Variants in RGS17 observed in about 807,000 individuals in gnomAD.
The protein encoded by RGS17 is regulator of G-protein signaling 17.
In RGS17, 12 loss-of-function variants were observed where a neutral mutation model predicts 25.5. The ratio of observed to expected loss-of-function variants is 0.47; its 90% CI spans 0.30 to 0.76. RGS17 has a LOEUF of 0.76. Ranked by LOEUF, RGS17 falls within the 30% of genes least tolerant of loss-of-function variation. RGS17 has a pLI of 0.07. For synonymous variants in RGS17, 71 were observed against 76.9 expected, an observed-to-expected ratio of 0.92 and a Z score of 0.40; for missense variants, 196 against 242.2, an observed-to-expected ratio of 0.81 and a Z score of 1.27.
intron 1 of RGS17, among the ~76,000 whole-genome samples, chr6:153,108,132 C>T (rs1424868758): frequency 6.6e-6 from 1 of 152,168 alleles, no homozygotes; most frequent in Non-Finnish European, 1.5e-5. Flanking sequence ...TTATTTGAGG[C>T]TGCTTCTGCT....
At chr6:153,014,789 C>T (rs892470248) in intron 4 of RGS17, among the ~76,000 whole-genome samples, 3 of 145,602 alleles carry the variant, frequency 2.1e-5, no homozygotes, top group African/African-American at 7.8e-5. Flanking sequence ...CAGAGTGAGA[C>T]TCCGTCTCAA....
At position 153,054,092 on chromosome 6, in the gene RGS17, T is replaced by TTATATATA. The variant is rs1199437911; in HGVS notation, c.-25-10057_-25-10050dup. ...CATATATATATACACACAATATTTT[T>TTATATATA]TATATATATATATATATATATGTGT... On this transcript the variant is annotated intron_variant, in intron 1 of 4. Transcript: ENST00000206262. Among the ~76,000 whole-genome samples the TTATATATA allele has an allele frequency of 1.2e-3, 50 of 42,090 alleles. 4 individuals are homozygous for TTATATATA. The highest frequency in any genetic ancestry group is 9.6e-3 in the East Asian group (9 of 942). 27.6% of individuals were successfully genotyped at this position (42,090 alleles called of 152,430 possible).
At position 153,005,436 on chromosome 6, in the gene RGS17, C is replaced by G. The variant is rs1779064546; in HGVS notation, c.*6138G>C. 1 of 152,094 alleles carries G rather than the reference C, an allele frequency of 6.6e-6. No homozygotes were observed. The highest frequency in any genetic ancestry group is 2.4e-5 in the African/African-American group (1 of 41,408). The allele number at this position is 152,094 out of a possible 1,614,324, so 9.4% of individuals were successfully genotyped here. ...TGTAAATGTCCAGAAAATTTACCTT[C>G]AATATAATCTCTTTAAAAACGCATT... On this transcript the variant is annotated 3_prime_UTR_variant, in exon 5 of 5. Transcript: ENST00000206262.
intron 1 of RGS17, among the ~76,000 whole-genome samples, chr6:153,054,031 A>T (rs7453239): frequency 1.2e-4 from 7 of 59,130 alleles, no homozygotes; most frequent in Admixed American, 4.9e-4. Flanking sequence ...TATAATATAT[A>T]TACATATATA....
At chr6:153,120,044 C>T (rs1256717369) in intron 1 of RGS17, among the ~76,000 whole-genome samples, 1 of 152,190 alleles carries the variant, frequency 6.6e-6, no homozygotes, top group Non-Finnish European at 1.5e-5. Context: ...AATTTCACCA[C>T]CTATATTCTT....
intron 1 of RGS17, among the ~76,000 whole-genome samples, chr6:153,124,374 C>G (rs62435968): frequency 0.11 from 16,871 of 152,102 alleles, 1,035 homozygotes; most frequent in East Asian, 0.18. Context: ...GGATAACACA[C>G]GAAATACATG....
chr6:153,037,528 C>T (rs1022844435), intron 2 of RGS17, among the ~76,000 whole-genome samples: 4 of 151,658 alleles, frequency 2.6e-5, no homozygotes, highest in East Asian at 1.9e-4. Context: ...CAGGTTCAAG[C>T]GATTCTCCTG....
At chr6:153,066,933 G>C (rs562647363) in intron 1 of RGS17, among the ~76,000 whole-genome samples, 1 of 151,902 alleles carries the variant, frequency 6.6e-6, no homozygotes, top group Non-Finnish European at 1.5e-5. Flanking sequence ...CCAGCTACTC[G>C]GGAGGCTGAG....
chr6:153,041,789 T>C (rs971156854), intron 2 of RGS17, among the ~76,000 whole-genome samples: 1 of 152,250 alleles, frequency 6.6e-6, no homozygotes, highest in Non-Finnish European at 1.5e-5. Flanking sequence ...ATAATTTTTG[T>C]GTTATAGCCA....
At chr6:153,092,513 G>T (rs1287186091) in intron 1 of RGS17, among the ~76,000 whole-genome samples, 2 of 152,092 alleles carry the variant, frequency 1.3e-5, no homozygotes, top group East Asian at 3.9e-4. Flanking sequence ...CGTGCCTTTT[G>T]TCTCCACCCG....
chr6:153,107,813 T>A (rs1777407133), intron 1 of RGS17, among the ~76,000 whole-genome samples: 2 of 152,228 alleles, frequency 1.3e-5, no homozygotes, highest in African/African-American at 4.8e-5. Context: ...TTACATATTT[T>A]CCTGGAATAC....
At chr6:153,052,493 T>A (rs1776475246) in intron 1 of RGS17, among the ~76,000 whole-genome samples, 1 of 151,998 alleles carries the variant, frequency 6.6e-6, no homozygotes, top group South Asian at 2.1e-4. Flanking sequence ...ATTGTGGTTT[T>A]TTGCCATTAA....
chr6:153,089,891 TA>T (rs1389583979), intron 1 of RGS17, among the ~76,000 whole-genome samples: 5 of 152,316 alleles, frequency 3.3e-5, no homozygotes, highest in Admixed American at 2.0e-4. Flanking sequence ...GTGTTATGAA[TA>T]TTTTTTTCCA....
intron 1 of RGS17, among the ~76,000 whole-genome samples, chr6:153,108,176 C>T (rs953405201): frequency 1.3e-5 from 2 of 152,172 alleles, no homozygotes; most frequent in Admixed American, 6.5e-5. Context: ...TGGCTGAGCA[C>T]ATTATACAGC....
intron 1 of RGS17, among the ~76,000 whole-genome samples, chr6:153,110,459 T>TACAC (rs1777452429): frequency 1.3e-5 from 1 of 75,920 alleles, no homozygotes; most frequent in African/African-American, 4.9e-5. Flanking sequence ...CACACACACT[T>TACAC]CAATATAATA....
At chr6:153,054,037 A>ACG (rs1776511237) in intron 1 of RGS17, among the ~76,000 whole-genome samples, 1 of 68,122 alleles carries the variant, frequency 1.5e-5, no homozygotes, top group Non-Finnish European at 2.7e-5. Context: ...ATATATACAT[A>ACG]TATATGTATA....
At chr6:153,084,328 A>T (rs1000064636) in intron 1 of RGS17, among the ~76,000 whole-genome samples, 2 of 152,170 alleles carry the variant, frequency 1.3e-5, no homozygotes, top group African/African-American at 4.8e-5. Flanking sequence ...AAAATCCCTT[A>T]ACAAATTTGT....
intron 2 of RGS17, among the ~76,000 whole-genome samples, chr6:153,039,300 A>G (rs1007403163): frequency 2.6e-5 from 4 of 152,150 alleles, no homozygotes; most frequent in African/African-American, 4.8e-5. Flanking sequence ...ACATTTTCCA[A>G]ACGTTGCTGT....
At chr6:153,074,610 T>C (rs114654702) in intron 1 of RGS17, among the ~76,000 whole-genome samples, 283 of 152,270 alleles carry the variant, frequency 1.9e-3, no homozygotes, top group African/African-American at 6.5e-3. Context: ...AATTCCGTAA[T>C]TGATGGGGGA....
Sources: gnomAD v4.1 joint callset for allele counts (sites outside exome capture counted in the v4.1 genomes callset) on GRCh38, gnomAD v4.1.1 for gene constraint, MANE v1.5 for transcripts, NCBI Gene and HGNC (gene_info 2026-07-23, HGNC 2026-07-21) for gene names.